The following CNN3 variants were observed in gnomAD, a reference collection of about 807,000 sequenced individuals.
The protein encoded by CNN3 is calponin 3.
CNN3 carries 11 observed loss-of-function variants against 39.0 expected under a neutral mutation model. That is an observed-to-expected ratio of 0.28 (90% CI 0.18 to 0.47). The LOEUF is 0.47. Among genes scored for constraint, CNN3 ranks in the 20% least tolerant of loss-of-function variants. The pLI is 0.99. For synonymous variants in CNN3, 101 were observed against 138.3 expected (o/e 0.73, Z 1.89); for missense variants, 266 against 403.4 (o/e 0.66, Z 2.92).
rs1004764834 is a variant in CNN3 at position 94,927,086 on chromosome 1, G to A, written c.-192C>T. ...GTCCAACTGGGTGCTACAGAGCCTC[G>A]AGCTCCGCTGCGAAGCACCCGGCTG... On this transcript the variant is annotated 5_prime_UTR_variant, in exon 1 of 7. Transcript: ENST00000370206. The A allele has an allele frequency of 1.3e-5, 7 of 532,800 alleles. No individual in the cohort carries two copies. Among genetic ancestry groups the A allele is most frequent in the African/African-American group, 2.0e-5 (1 of 49,336 alleles). 33.0% of individuals were successfully genotyped at this position (532,800 alleles called of 1,614,324 possible).
intron 1 of CNN3, among the ~76,000 whole-genome samples, chr1:94,906,577 C>T (rs545404909): frequency 2.7e-4 from 41 of 152,258 alleles, no homozygotes; most frequent in South Asian, 6.2e-4. Context: ...TGGCGCCATG[C>T]CTGGCTCCAT....
At chr1:94,911,588 G>C (rs1263781878) in intron 1 of CNN3, among the ~76,000 whole-genome samples, 1 of 152,096 alleles carries the variant, frequency 6.6e-6, no homozygotes, top group Non-Finnish European at 1.5e-5. Context: ...GGGCAACATA[G>C]TGAGACCCTG....
At chr1:94,917,164 G>A (rs1012981402) in intron 1 of CNN3, among the ~76,000 whole-genome samples, 3 of 152,172 alleles carry the variant, frequency 2.0e-5, no homozygotes, top group Admixed American at 2.0e-4. Context: ...AGTCTCCTGA[G>A]GAGCTGGGAT....
At position 94,926,703 on chromosome 1, in the gene CNN3, C is replaced by T; in HGVS notation, c.57+135G>A. 1.0e-6 allele frequency: 1 copy of T among 995,506 alleles called. No individual in the cohort carries two copies. The highest frequency in any genetic ancestry group is 1.5e-5 in the South Asian group (1 of 67,408). 61.7% of individuals were successfully genotyped at this position (995,506 alleles called of 1,614,324 possible). ...TGGACGCGACCGGGACAGGCAGAGA[C>T]GCTCGCGCCGCCTCGACGGCCCCTC... On this transcript the variant is annotated intron_variant, in intron 1 of 6. Transcript: ENST00000370206. This position sits in a 1 kb window ranked among gnomAD's most constrained non-coding sequence, Gnocchi z 4.2.
In CNN3 at chr1:94,926,859, G is replaced by C. The variant is rs746486388; in HGVS notation, c.36C>G (p.Leu12=). 6.8e-6 allele frequency: 11 copies of C among 1,610,910 alleles called. No homozygotes were observed. The highest frequency in any genetic ancestry group is 1.3e-5 in the African/African-American group (1 of 74,262). Residue 12 remains leucine, a synonymous_variant, in exon 1 of 7, where the codon CTC becomes CTG. Coordinates refer to ENST00000370206, the MANE Select transcript of CNN3 (RefSeq NM_001839.5). The surrounding 1 kb of genome is among the most constrained non-coding windows in gnomAD (Gnocchi z 4.2). ...THFNKGPSYG[L]SAEVKNKIAS... ...GTACCTTGTTCTTGACTTCGGCCGA[G>C]AGCCCATAGGAAGGGCCCTTGTTGA...
chr1:94,900,251 G>A (rs1670828932), intron 5 of CNN3, among the ~76,000 whole-genome samples: 1 of 152,038 alleles, frequency 6.6e-6, no homozygotes, highest in African/African-American at 2.4e-5. Context: ...TATAAAATCT[G>A]TTCATTGAAG....
At chr1:94,914,439 A>G (rs1292357452) in intron 1 of CNN3, among the ~76,000 whole-genome samples, 1 of 152,192 alleles carries the variant, frequency 6.6e-6, no homozygotes. Flanking sequence ...TGTCTCAACC[A>G]GCCTGGGGAA....
chr1:94,910,164 A>T (rs945578573), intron 1 of CNN3, among the ~76,000 whole-genome samples: 1 of 152,118 alleles, frequency 6.6e-6, no homozygotes, highest in Non-Finnish European at 1.5e-5. Flanking sequence ...TCTCTAAGTA[A>T]ACTCGTATTC....
At chr1:94,919,828 A>G (rs1671392996) in intron 1 of CNN3, among the ~76,000 whole-genome samples, 1 of 152,078 alleles carries the variant, frequency 6.6e-6, no homozygotes, top group Non-Finnish European at 1.5e-5. Flanking sequence ...CCCACCGCAG[A>G]CACAGCACTC....
intron 1 of CNN3, among the ~76,000 whole-genome samples, chr1:94,908,551 G>GT (rs1194733022): frequency 1.3e-5 from 2 of 152,024 alleles, no homozygotes; most frequent in South Asian, 2.1e-4. Flanking sequence ...TTGTTTGTTT[G>GT]TTTTTTTGAG....
rs891411357 is a variant in CNN3, at chr1:94,902,192, C to T, written c.313G>A (p.Glu105Lys). 1 of 1,613,392 alleles carries T rather than the reference C, an allele frequency of 6.2e-7. No individual in the cohort carries two copies. The highest frequency in any genetic ancestry group is 8.5e-7 in the Non-Finnish European group (1 of 1,179,320). ...AYGMKPHDIF[E>K]ANDLFENGNM... ...CCATTCTCAAAAAGATCATTTGCTTCGAATATGTCATGTGGCTTCATACCA... is the reference window on the plus strand; with the variant it reads ...CCATTCTCAAAAAGATCATTTGCTTTGAATATGTCATGTGGCTTCATACCA... Residue 105 changes from glutamate to lysine, a missense_variant, in exon 4 of 7, where the codon GAA becomes AAA. By Grantham distance (56) the Glu-to-Lys change is moderately conservative (BLOSUM62 1). Transcript: ENST00000370206.
At chr1:94,923,227 T>A (rs1671493465) in intron 1 of CNN3, among the ~76,000 whole-genome samples, 1 of 152,150 alleles carries the variant, frequency 6.6e-6, no homozygotes, top group Admixed American at 6.5e-5. Flanking sequence ...TTTTTCATGG[T>A]TTACGAGGCA....
Position 94,926,729 on chromosome 1 carries a change from T to C in CNN3, c.57+109A>G. On this transcript the variant is annotated intron_variant, in intron 1 of 6. Transcript: ENST00000370206. This position sits in a 1 kb window ranked among gnomAD's most constrained non-coding sequence, Gnocchi z 4.2. ...GCTCGCGCCGCCTCGACGGCCCCTC[T>C]CCAGGAAAACGGTGAGCCACAGCGC... is the stretch of plus-strand genomic sequence containing the variant. The C allele has an allele frequency of 7.8e-7, 1 of 1,274,064 alleles. No homozygotes were observed. Among genetic ancestry groups the C allele is most frequent in the Middle Eastern group, 2.0e-4 (1 of 5,100 alleles). 78.9% of individuals were successfully genotyped at this position (1,274,064 alleles called of 1,614,324 possible). A position where few individuals can be genotyped will look rare whatever the true frequency, so the allele number is the denominator to read the frequency against.
intron 1 of CNN3, among the ~76,000 whole-genome samples, chr1:94,909,534 G>A (rs1671102241): frequency 6.6e-6 from 1 of 152,124 alleles, no homozygotes; most frequent in Admixed American, 6.5e-5. Context: ...CAGCCCACAG[G>A]CACACATATC....
chr1:94,924,992 G>A (rs1449569424), intron 1 of CNN3, among the ~76,000 whole-genome samples: 5 of 152,168 alleles, frequency 3.3e-5, no homozygotes, highest in African/African-American at 1.2e-4. Context: ...AAAAACTGAG[G>A]TTTTACCGTT....
rs918982760 is a variant in CNN3, at chr1:94,905,105, T to C, written c.58-1581A>G. The stretch of plus-strand genomic sequence containing the variant: ...AGAGCATATAGGACTGTGGGCTGCA[T>C]TCAGGTCCTTTCCAAGGGAGAGAGC... On this transcript the variant is annotated intron_variant, in intron 1 of 6. Coordinates refer to ENST00000370206, the MANE Select transcript of CNN3 (RefSeq NM_001839.5). Among the ~76,000 whole-genome samples, 19 of 152,230 alleles carry C rather than the reference T, an allele frequency of 1.2e-4. 1 individual carries two copies. The highest frequency in any genetic ancestry group is 4.6e-4 in the African/African-American group (19 of 41,540).
In CNN3 at chr1:94,903,150, A is replaced by G; in HGVS notation, c.218T>C (p.Val73Ala). 1 of 1,612,506 alleles carries G rather than the reference A, an allele frequency of 6.2e-7. No homozygotes were observed. Among genetic ancestry groups the G allele is most frequent in the South Asian group, 1.1e-5 (1 of 90,908 alleles). Residue 73 changes from valine to alanine, a missense_variant, in exon 3 of 7, where the codon GTC becomes GCC. By Grantham distance (64) the Val-to-Ala change is moderately conservative. Coordinates refer to ENST00000370206, the MANE Select transcript of CNN3 (RefSeq NM_001839.5). ...NKLQPGSVKK[V>A]NESSLNWPQL... ...AGGCCAGTTCAGTGAGGACTCGTTG[A>G]CCTTCTTCACTGAGCCTGGCTGTAG... is the stretch of plus-strand genomic sequence containing the variant.
intron 1 of CNN3, among the ~76,000 whole-genome samples, chr1:94,909,862 A>G (rs1189878004): frequency 6.6e-6 from 1 of 152,074 alleles, no homozygotes; most frequent in Admixed American, 6.5e-5. Flanking sequence ...CTCAAGTACC[A>G]TTTGAAAAAA....
chr1:94,916,214 GGGC>G (rs1483598028), intron 1 of CNN3, among the ~76,000 whole-genome samples: 1 of 152,116 alleles, frequency 6.6e-6, no homozygotes, highest in Non-Finnish European at 1.5e-5. Context: ...AGTGCAGCCT[GGGC>G]AACACGGTAA....
Sources: gnomAD v4.1 joint callset for allele counts (sites outside exome capture counted in the v4.1 genomes callset) on GRCh38, gnomAD v4.1.1 for gene constraint, Gnocchi (gnomAD v3.1) non-coding constraint, MANE v1.5 for transcripts, NCBI Gene and HGNC (gene_info 2026-07-23, HGNC 2026-07-21) for gene names.